VWA3B: variants seen among roughly 807,000 people sequenced by gnomAD.
VWA3B encodes von Willebrand factor A domain-containing protein 3B.
In VWA3B, 138 loss-of-function variants were observed where a neutral mutation model predicts 158.3. That is an observed-to-expected ratio of 0.87 (90% CI 0.76 to 1.00). VWA3B has a LOEUF of 1.00. Ranked by LOEUF, VWA3B falls within the 50% of genes least tolerant of loss-of-function variation. The pLI is 0.00. For synonymous variants in VWA3B, 596 were observed against 587.3 expected (o/e 1.01, Z -0.21); for missense variants, 1,555 against 1,565.1 (o/e 0.99, Z 0.11).
chr2:98,243,611 G>A (rs1290953048), intron 19 of VWA3B, among the ~76,000 whole-genome samples: 3 of 152,128 alleles, frequency 2.0e-5, no homozygotes, highest in African/African-American at 7.2e-5. Context: ...TGGGATTACA[G>A]GCAAGAGCCA....
chr2:98,294,289 G>C lies in VWA3B; in HGVS notation c.3158-3618G>C, dbSNP rs75565020. Among the ~76,000 whole-genome samples, 1,025 of 150,354 alleles carry C rather than the reference G, an allele frequency of 6.8e-3. 9 individuals carry two copies. The highest frequency in any genetic ancestry group is 0.024 in the African/African-American group (974 of 40,868). On this transcript the variant is annotated intron_variant, in intron 23 of 27. Coordinates refer to ENST00000477737, the MANE Select transcript of VWA3B (RefSeq NM_144992.5). ...TGATGTCATTGGTGACTCCTTTTCT[G>C]GTAACTGTTGTTCAAAACCTCCTAA...
At chr2:98,290,394 A>G in intron 22 of VWA3B, 117 bp from the exon 23 acceptor site, 1 of 756,506 alleles carries the variant, frequency 1.3e-6, no homozygotes, top group Non-Finnish European at 2.1e-6. Flanking sequence ...GTAATTCAAC[A>G]TGAGATTTGG....
chr2:98,103,092 G>A (rs1178274314), intron 2 of VWA3B, among the ~76,000 whole-genome samples: 1 of 152,092 alleles, frequency 6.6e-6, no homozygotes, highest in Non-Finnish European at 1.5e-5. Flanking sequence ...CTGTAGTGAT[G>A]TCACCTCTTT....
chr2:98,227,116 C>G (rs970168801), intron 14 of VWA3B, among the ~76,000 whole-genome samples: 1 of 152,170 alleles, frequency 6.6e-6, no homozygotes, highest in African/African-American at 2.4e-5. Context: ...TCTCTGTTTG[C>G]AGATGACATC....
Position 98,192,976 on chromosome 2 carries a change from G to C in VWA3B, c.1545G>C (p.Thr515=), listed in dbSNP as rs201270573. ...ATTGCATCTACATTCTCATTGACAC[G>C]TCTCACTCAATGAAGAGCAAACTGG... ...HNDCIYILID[T]SHSMKSKLDL... is the part of the protein sequence containing the mutation. Residue 515 remains threonine (T), a synonymous_variant, in exon 11 of 28, where the codon ACG becomes ACC. Coordinates refer to ENST00000477737, the MANE Select transcript of VWA3B (RefSeq NM_144992.5). The C allele has an allele frequency of 6.2e-7, 1 of 1,614,084 alleles. No individual in the cohort carries two copies. The highest frequency in any genetic ancestry group is 8.5e-7 in the Non-Finnish European group (1 of 1,179,990).
chr2:98,302,548 T>G (rs527795112), intron 25 of VWA3B, among the ~76,000 whole-genome samples: 1 of 152,320 alleles, frequency 6.6e-6, no homozygotes, highest in Admixed American at 6.5e-5. Flanking sequence ...GGCTCTTTCT[T>G]AGGACCTTAC....
At chr2:98,273,086 A>G (rs1028426456) in intron 22 of VWA3B, among the ~76,000 whole-genome samples, 1 of 152,154 alleles carries the variant, frequency 6.6e-6, no homozygotes, top group African/African-American at 2.4e-5. Flanking sequence ...ACTAAGAGAG[A>G]TCTGGAATAG....
chr2:98,101,839 T>G (rs545887994), intron 2 of VWA3B, among the ~76,000 whole-genome samples: 1 of 151,618 alleles, frequency 6.6e-6, no homozygotes, highest in African/African-American at 2.4e-5. Flanking sequence ...TTTTTTTTTT[T>G]GCATGTTTAT....
chr2:98,261,988 T>C (rs924481153), intron 21 of VWA3B, among the ~76,000 whole-genome samples: 2 of 151,766 alleles, frequency 1.3e-5, no homozygotes, highest in Admixed American at 6.6e-5. Context: ...GTGACCATCC[T>C]AATGGATATG....
rs1690953813 is a variant in VWA3B at position 98,312,240 on chromosome 2, T to C, written c.3776T>C (p.Leu1259Pro). ...LHFPAAGRLG[L>P]SSHAIIATPP... ...TTCCCCGCGGCCGGGCGTCTAGGAC[T>C]CAGCAGCCACGCCATCATTGCCACA... The change falls in exon 28 of 28, where the codon CTC becomes CCC. Residue 1259 changes from leucine to proline, a missense_variant. Transcript: ENST00000477737. The C allele has an allele frequency of 6.2e-7, 1 of 1,614,174 alleles. No individual in the cohort carries two copies. The highest frequency in any genetic ancestry group is 8.5e-7 in the Non-Finnish European group (1 of 1,180,032).
chr2:98,230,299 A>G (rs1236895936), intron 16 of VWA3B, 92 bp downstream of exon 16: 11 of 1,291,558 alleles, frequency 8.5e-6, no homozygotes, highest in Non-Finnish European at 1.1e-5. Flanking sequence ...ATTTTTAAGA[A>G]GCACTAAACT....
chr2:98,316,762 A>G (rs1691097368), downstream of VWA3B, among the ~76,000 whole-genome samples: 1 of 151,706 alleles, frequency 6.6e-6, no homozygotes, highest in African/African-American at 2.4e-5. Flanking sequence ...CCTCCTGGGT[A>G]CTGTATAGTG....
chr2:98,267,932 A>T (rs1687950114), intron 21 of VWA3B, among the ~76,000 whole-genome samples: 1 of 152,128 alleles, frequency 6.6e-6, no homozygotes, highest in African/African-American at 2.4e-5. Context: ...ATAAACTAGA[A>T]AATCTAGAAG....
chr2:98,156,722 T>A (rs1678115253), intron 7 of VWA3B, among the ~76,000 whole-genome samples: 1 of 151,458 alleles, frequency 6.6e-6, no homozygotes, highest in Non-Finnish European at 1.5e-5. Flanking sequence ...AAAGTTCTTC[T>A]GAATTTACAT....
At chr2:98,098,468 T>G (rs1312457061) in intron 2 of VWA3B, among the ~76,000 whole-genome samples, 1 of 152,164 alleles carries the variant, frequency 6.6e-6, no homozygotes, top group Non-Finnish European at 1.5e-5. Flanking sequence ...TATAATAACC[T>G]TCTTTGTCTC....
intron 22 of VWA3B, among the ~76,000 whole-genome samples, chr2:98,274,822 C>T (rs1255829294): frequency 6.6e-6 from 1 of 152,116 alleles, no homozygotes; most frequent in South Asian, 2.1e-4. Context: ...AGTCCTTGAG[C>T]CAGGTAGGAA....
intron 7 of VWA3B, among the ~76,000 whole-genome samples, chr2:98,158,653 G>A (rs1175948996): frequency 6.6e-6 from 1 of 151,534 alleles, no homozygotes; most frequent in Non-Finnish European, 1.5e-5. Context: ...GTCTAGTGGT[G>A]CCCTGGTTCA....
chr2:98,151,181 C>A (rs2105167993), intron 7 of VWA3B, among the ~76,000 whole-genome samples: 1 of 151,204 alleles, frequency 6.6e-6, no homozygotes, highest in East Asian at 1.9e-4. Flanking sequence ...GGTACGATCT[C>A]TGCTCACTGC....
intron 22 of VWA3B, among the ~76,000 whole-genome samples, chr2:98,272,451 C>G (rs1688259688): frequency 6.6e-6 from 1 of 152,198 alleles, no homozygotes; most frequent in African/African-American, 2.4e-5. Context: ...TGTCAGTAAG[C>G]TCTCCAAACC....
Sources: allele counts gnomAD v4.1 joint callset (sites outside exome capture counted in the v4.1 genomes callset), GRCh38; gene constraint gnomAD v4.1.1; transcripts MANE v1.5; gene names NCBI Gene and HGNC (gene_info 2026-07-23, HGNC 2026-07-21).